The following RPAP1 variants were observed in gnomAD, a reference collection of about 807,000 sequenced individuals.
RPAP1 encodes the protein RNA polymerase II-associated protein 1.
A neutral mutation model predicts 142.4 loss-of-function variants in RPAP1; 109 were observed. That is an observed-to-expected ratio of 0.77 (90% CI 0.66 to 0.90). The LOEUF is 0.90. Ranked by LOEUF, RPAP1 falls within the 40% of genes least tolerant of loss-of-function variation. The probability of loss-of-function intolerance (pLI) is 0.00; values close to 1 mark genes in which losing one functional copy is unlikely to be tolerated. For missense variants in RPAP1, 1,546 were observed against 1,751.7 expected (o/e 0.88, Z 2.10); for synonymous variants, 704 against 738.9 (o/e 0.95, Z 0.77).
chr15:41,526,611 G>GC (rs2051792978), intron 14 of RPAP1, among the ~76,000 whole-genome samples: 1 of 152,182 alleles, frequency 6.6e-6, no homozygotes, highest in Non-Finnish European at 1.5e-5. Context: ...GGCTATAGAT[G>GC]ATGAATGCCT....
Position 41,521,737 on chromosome 15 carries a change from C to T in RPAP1, c.3038+1G>A, listed in dbSNP as rs770983528. 5.6e-6 allele frequency: 9 copies of T among 1,613,938 alleles called. No homozygotes were observed. The highest frequency in any genetic ancestry group is 3.3e-5 in the Admixed American group (2 of 59,990). ...GTTGATGCCACCAACCAAGCACTTACGGGAGGAACTCCAGCCGGAATACAC... is the reference window on the plus strand; with the variant it reads ...GTTGATGCCACCAACCAAGCACTTATGGGAGGAACTCCAGCCGGAATACAC... On this transcript the variant is annotated splice_donor_variant, in intron 21 of 24. Coordinates refer to ENST00000304330, the MANE Select transcript of RPAP1 (RefSeq NM_015540.4). LOFTEE classifies it high-confidence loss of function.
chr15:41,542,188 C>T (rs2051978060), intron 1 of RPAP1, among the ~76,000 whole-genome samples: 2 of 152,180 alleles, frequency 1.3e-5, no homozygotes, highest in South Asian at 4.1e-4. Flanking sequence ...ACTTCATTAT[C>T]TCTCTTTGCC....
At chr15:41,532,050 CT>C (rs2051857771) in intron 6 of RPAP1, among the ~76,000 whole-genome samples, 1 of 148,646 alleles carries the variant, frequency 6.7e-6, no homozygotes, top group South Asian at 2.1e-4. Context: ...GAGACAGAGT[CT>C]CACTCTGTCG....
rs549569993 is a variant in RPAP1, at chr15:41,522,669, C to T, written c.2742+96G>A. On this transcript the variant is annotated intron_variant, in intron 19 of 24. Transcript: ENST00000304330. ...CCTCCCAAACTGCTGGGATTACAGG[C>T]GTGAGCCACCGCGCCCATCCCACCC... The T allele has an allele frequency of 7.6e-5, 84 of 1,108,664 alleles. 2 individuals carry two copies. Among genetic ancestry groups the T allele is most frequent in the South Asian group, 4.7e-4 (26 of 55,864 alleles). The allele number at this position is 1,108,664 out of a possible 1,614,324, so 68.7% of individuals were successfully genotyped here. A position where few individuals can be genotyped will look rare whatever the true frequency, so the allele number is the denominator to read the frequency against.
rs1328305547 is a variant in RPAP1, at chr15:41,535,626, A to AACATCTT, written c.426_427insAAGATGT (p.Ser143LysfsTer8). The AACATCTT allele has an allele frequency of 5.0e-6, 8 of 1,612,054 alleles. No homozygotes were observed. Among genetic ancestry groups the AACATCTT allele is most frequent in the Non-Finnish European group, 6.8e-6 (8 of 1,179,492 alleles). ...ATGCTTCTCTTACCAGATGTTGCTG[A>AACATCTT]TTTCCCCTGTGGGGCAAAAAGAAAA... On this transcript the variant is annotated frameshift_variant, in exon 5 of 25. Transcript: ENST00000304330. LOFTEE classifies it high-confidence loss of function.
rs7170898 is a variant in RPAP1 at position 41,520,864 on chromosome 15, G to A, written c.3322C>T (p.Arg1108Cys). 29 of 1,613,760 alleles carry A rather than the reference G, an allele frequency of 1.8e-5. No homozygotes were observed. Among genetic ancestry groups the A allele is most frequent in the African/African-American group, 4.0e-5 (3 of 74,944 alleles). The change falls in exon 22 of 25, where the codon CGC (arginine) becomes TGC (cysteine). Residue 1108 changes from arginine (R) to cysteine (C), a missense_variant. Physicochemically the swap from Arg to Cys is radical, Grantham distance 180 (BLOSUM62 -3). Coordinates refer to ENST00000304330, the MANE Select transcript of RPAP1 (RefSeq NM_015540.4). ...GTGTCTGAAGCCCGGTGGTAGAGGC[G>A]AATCAGTGGCAGGAAGGGCCAGTCG... ...PTDWPFLPLI[R>C]LYHRASDTPS...
intron 6 of RPAP1, among the ~76,000 whole-genome samples, chr15:41,533,738 T>C (rs1357580950): frequency 1.3e-5 from 2 of 151,050 alleles, no homozygotes; most frequent in African/African-American, 4.9e-5. Flanking sequence ...CTTTGGAGGC[T>C]GAGACAGGAG....
chr15:41,527,916 C>G lies in RPAP1; in HGVS notation c.1372G>C (p.Val458Leu), dbSNP rs1295389977. ...AGAGCACGGATGGCGGTTGCAATGA[C>G]CCCATCCACTCTGTCATCCAAGGAG... ...RFSLDDRVDG[V>L]IATAIRALRA... Residue 458 changes from valine to leucine, a missense_variant, in exon 11 of 25, where the codon GTC becomes CTC. Physicochemically the swap from Val to Leu is conservative, Grantham distance 32. Coordinates refer to ENST00000304330, the MANE Select transcript of RPAP1 (RefSeq NM_015540.4). 2 of 1,613,964 alleles carry G rather than the reference C, an allele frequency of 1.2e-6. No individual in the cohort carries two copies. The highest frequency in any genetic ancestry group is 1.7e-6 in the Non-Finnish European group (2 of 1,180,026).
At chr15:41,536,745 C>T in intron 2 of RPAP1, 96 bp from the exon 3 acceptor site, 1 of 1,496,438 alleles carries the variant, frequency 6.7e-7, no homozygotes, top group Non-Finnish European at 9.0e-7. Context: ...GGGGCCCTGG[C>T]TCAAGCTGTG....
In RPAP1 at chr15:41,527,596, CGAG is replaced by C. The variant is rs2051807260; in HGVS notation, c.1435_1437del (p.Leu479del). On this transcript the variant is annotated inframe_deletion, in exon 12 of 25. Coordinates refer to ENST00000304330, the MANE Select transcript of RPAP1 (RefSeq NM_015540.4). ...CCATGGTACCAAGAGAAGGTGCTGT[CGAG>C]GAGCTCCTGCCAGAGGAACGGGAGT... 2 of 1,612,284 alleles carry C rather than the reference CGAG, an allele frequency of 1.2e-6. No individual in the cohort carries two copies. The highest frequency in any genetic ancestry group is 1.7e-5 in the Admixed American group (1 of 59,598).
rs141499817 is a variant in RPAP1, at chr15:41,521,073, C to A, written c.3113G>T (p.Arg1038Leu). The A allele has an allele frequency of 1.4e-5, 21 of 1,545,344 alleles. No individual in the cohort carries two copies. Among genetic ancestry groups the A allele is most frequent in the African/African-American group, 2.7e-5 (2 of 72,980 alleles). Reference protein sequence around the residue: ...QLSLGSSRVPRCGQGTLLAQA... With the variant: ...QLSLGSSRVPLCGQGTLLAQA... ...AGCCAGCAGAGTCCCTTGCCCACAC[C>A]GAGGGACCCTGCTGCTTCCTAACGA... is the stretch of plus-strand genomic sequence containing the variant. The change falls in exon 22 of 25, where the codon CGG becomes CTG. Residue 1038 changes from arginine (R) to leucine (L), a missense_variant. Arg to Leu is a moderately radical substitution (Grantham distance 102). Transcript: ENST00000304330.
intron 20 of RPAP1, 49 bp from the exon 21 acceptor site, chr15:41,521,929 G>A (rs1241450259): frequency 6.3e-7 from 1 of 1,598,382 alleles, no homozygotes; most frequent in Non-Finnish European, 8.5e-7. Context: ...AAGGGGACGT[G>A]GCAGAGAGAA....
chr15:41,538,431 A>G lies in RPAP1; in HGVS notation c.-76-1230T>C, dbSNP rs527621592. Among the ~76,000 whole-genome samples the G allele has an allele frequency of 2.0e-5, 3 of 152,296 alleles. 1 individual carries two copies. The South Asian group carries it at 6.2e-4, about 32-fold the overall frequency. On this transcript the variant is annotated intron_variant, in intron 1 of 24. Transcript: ENST00000304330. ...AATGTCAGAAACAGAATCTCAAGTTAGGCACTCAAGCTGCAGAATGTATGC... is the reference window on the plus strand; with the variant it reads ...AATGTCAGAAACAGAATCTCAAGTTGGGCACTCAAGCTGCAGAATGTATGC...
chr15:41,524,238 G>A lies in RPAP1; in HGVS notation c.2092C>T (p.Leu698=), dbSNP rs781214630. Residue 698 remains leucine (L), a synonymous_variant, in exon 16 of 25, where the codon CTG becomes TTG. Transcript: ENST00000304330. ...GGCACCACCTGCAAGGCCCGCATCAGCACTGGGTAGAGCTCCCTAGGGAAG... is the reference window on the plus strand; with the variant it reads ...GGCACCACCTGCAAGGCCCGCATCAACACTGGGTAGAGCTCCCTAGGGAAG... ...GYLYRELYPV[L]MRALQVVPRE... 4 of 1,536,144 alleles carry A rather than the reference G, an allele frequency of 2.6e-6. No homozygotes were observed. The highest frequency in any genetic ancestry group is 3.5e-6 in the Non-Finnish European group (4 of 1,142,206).
chr15:41,531,001 A>G (rs941327364), intron 7 of RPAP1, 22 bp downstream of exon 7: 3 of 1,592,512 alleles, frequency 1.9e-6, no homozygotes, highest in Non-Finnish European at 2.6e-6. Flanking sequence ...CCACCAAAAT[A>G]TGACCCCCGC....
rs2051921422 is a variant in RPAP1, at chr15:41,537,201, C to T, written c.-76G>A. 3 of 1,438,236 alleles carry T rather than the reference C, an allele frequency of 2.1e-6. No homozygotes were observed. The highest frequency in any genetic ancestry group is 2.3e-5 in the Admixed American group (1 of 43,836). The allele number at this position is 1,438,236 out of a possible 1,614,324, so 89.1% of individuals were successfully genotyped here. A position where few individuals can be genotyped will look rare whatever the true frequency, so the allele number is the denominator to read the frequency against. ...GTGTGGGGGTTCCCTCTTATTCATC[C>T]CTAAGAGCAAGAAAGAATATGGGCC... is the stretch of plus-strand genomic sequence containing the variant. On this transcript the variant is annotated splice_region_variant and 5_prime_UTR_variant, in exon 2 of 25. Coordinates refer to ENST00000304330, the MANE Select transcript of RPAP1 (RefSeq NM_015540.4).
intron 9 of RPAP1, among the ~76,000 whole-genome samples, chr15:41,528,849 A>C (rs2051820808): frequency 6.6e-6 from 1 of 152,176 alleles, no homozygotes; most frequent in Admixed American, 6.5e-5. Context: ...TTCTGGAGGC[A>C]AGGCATGGCC....
At chr15:41,533,642 AAT>A (rs1383021993) in intron 6 of RPAP1, among the ~76,000 whole-genome samples, 1 of 152,118 alleles carries the variant, frequency 6.6e-6, no homozygotes, top group South Asian at 2.1e-4. Flanking sequence ...CAGCCTGGCC[AAT>A]ACAGGGAAAC....
intron 14 of RPAP1, among the ~76,000 whole-genome samples, chr15:41,526,647 G>C (rs1304107101): frequency 6.6e-6 from 1 of 152,146 alleles, no homozygotes; most frequent in Admixed American, 6.6e-5. Flanking sequence ...TTCTGATCTG[G>C]GTCTAGGGAA....
Sources: allele counts gnomAD v4.1 joint callset (sites outside exome capture counted in the v4.1 genomes callset), GRCh38; gene constraint gnomAD v4.1.1; transcripts MANE v1.5; gene names NCBI Gene and HGNC (gene_info 2026-07-23, HGNC 2026-07-21).